ST6GALNAC3: variants seen among roughly 807,000 people sequenced by gnomAD.
ST6GALNAC3 encodes the protein alpha-N-acetylgalactosaminide alpha-2,6-sialyltransferase 3.
Under a neutral mutation model 32.7 loss-of-function variants are expected in ST6GALNAC3, and 25 were observed. That is an observed-to-expected ratio of 0.76 (90% CI 0.56 to 1.07). The LOEUF is 1.07. ST6GALNAC3 is among the 50% of genes least tolerant of loss of function. The probability of loss-of-function intolerance (pLI) is 0.00; values close to 1 mark genes in which losing one functional copy is unlikely to be tolerated. For synonymous variants in ST6GALNAC3, 129 were observed against 133.1 expected (o/e 0.97, Z 0.21); for missense variants, 355 against 382.4 (o/e 0.93, Z 0.60).
chr1:76,451,339 T>C (rs1657386979), intron 3 of ST6GALNAC3, among the ~76,000 whole-genome samples: 1 of 152,122 alleles, frequency 6.6e-6, no homozygotes, highest in African/African-American at 2.4e-5. Context: ...TGGCAGCAGA[T>C]AAAAGAGTGT....
chr1:76,420,195 A>G lies in ST6GALNAC3; in HGVS notation c.623+7778A>G, dbSNP rs539043293. ...GGCCTGAGAATTTTCATTTTTAACAAGTTTCCAGGCCCGGCCATCCTGTTC... is the reference window on the plus strand; with the variant it reads ...GGCCTGAGAATTTTCATTTTTAACAGGTTTCCAGGCCCGGCCATCCTGTTC... On this transcript the variant is annotated intron_variant, in intron 3 of 4. Coordinates refer to ENST00000328299, the MANE Select transcript of ST6GALNAC3 (RefSeq NM_152996.4). Among the ~76,000 whole-genome samples the G allele has an allele frequency of 7.2e-4, 110 of 151,998 alleles. 1 individual carries two copies. Among genetic ancestry groups the G allele is most frequent in the Non-Finnish European group, 1.1e-3 (73 of 67,960 alleles).
At chr1:76,314,423 C>T (rs949111297) in intron 2 of ST6GALNAC3, among the ~76,000 whole-genome samples, 4 of 152,092 alleles carry the variant, frequency 2.6e-5, no homozygotes, top group African/African-American at 7.2e-5. Flanking sequence ...AATCCTTAGA[C>T]CTGGAGCTAG....
At chr1:76,186,576 A>G (rs1375850156) in intron 1 of ST6GALNAC3, among the ~76,000 whole-genome samples, 2 of 152,184 alleles carry the variant, frequency 1.3e-5, no homozygotes, top group African/African-American at 2.4e-5. Context: ...TAAGGAATGC[A>G]GGTCCGTCTT....
At chr1:76,248,959 C>T (rs893604991) in intron 1 of ST6GALNAC3, among the ~76,000 whole-genome samples, 9 of 152,182 alleles carry the variant, frequency 5.9e-5, no homozygotes, top group African/African-American at 2.2e-4. Flanking sequence ...CTTGTATTAA[C>T]ATGGCTTTCA....
At chr1:76,623,537 G>A (rs764668663) in intron 3 of ST6GALNAC3, among the ~76,000 whole-genome samples, 27 of 151,876 alleles carry the variant, frequency 1.8e-4, no homozygotes, top group Non-Finnish European at 2.9e-5. Flanking sequence ...TGCTATGGTT[G>A]ATGGCCAGCT....
intron 1 of ST6GALNAC3, among the ~76,000 whole-genome samples, chr1:76,214,123 C>T (rs1390715996): frequency 6.6e-6 from 1 of 152,124 alleles, no homozygotes; most frequent in Non-Finnish European, 1.5e-5. Flanking sequence ...CCTAGCCGCA[C>T]AGCCCAATAT....
At chr1:76,312,663 A>G (rs1033985329) in intron 1 of ST6GALNAC3, among the ~76,000 whole-genome samples, 1 of 152,208 alleles carries the variant, frequency 6.6e-6, no homozygotes, top group Non-Finnish European at 1.5e-5. Flanking sequence ...GAAGACATTT[A>G]TGTGGCCAAC....
intron 4 of ST6GALNAC3, among the ~76,000 whole-genome samples, chr1:76,627,867 C>A (rs1202616245): frequency 6.6e-6 from 1 of 151,918 alleles, no homozygotes; most frequent in Non-Finnish European, 1.5e-5. Context: ...TTTGCAAAAG[C>A]AAGTTTGTCA....
chr1:76,372,300 T>C (rs1220343133), intron 2 of ST6GALNAC3, among the ~76,000 whole-genome samples: 1 of 152,102 alleles, frequency 6.6e-6, no homozygotes, highest in Admixed American at 6.6e-5. Flanking sequence ...TTATTTTTGA[T>C]TGAAAAATAA....
At chr1:76,560,741 T>C (rs191544195) in intron 3 of ST6GALNAC3, among the ~76,000 whole-genome samples, 208 of 152,324 alleles carry the variant, frequency 1.4e-3, no homozygotes, top group Non-Finnish European at 1.6e-3. Context: ...GGTGGGAATG[T>C]AAATTAGTAC....
At chr1:76,270,132 A>C (rs547186705) in intron 1 of ST6GALNAC3, among the ~76,000 whole-genome samples, 1 of 152,340 alleles carries the variant, frequency 6.6e-6, no homozygotes, top group East Asian at 1.9e-4. Context: ...GAAATTATTG[A>C]ACTTATTTTG....
At chr1:76,424,740 T>C (rs993012674) in intron 3 of ST6GALNAC3, among the ~76,000 whole-genome samples, 2 of 152,120 alleles carry the variant, frequency 1.3e-5, no homozygotes, top group East Asian at 3.9e-4. Context: ...GCTGTTTTGA[T>C]TCTTAATATT....
intron 1 of ST6GALNAC3, among the ~76,000 whole-genome samples, chr1:76,139,691 C>CA (rs1336056507): frequency 6.6e-6 from 1 of 152,176 alleles, no homozygotes; most frequent in African/African-American, 2.4e-5. Context: ...TTTCTGGGCT[C>CA]AGAGCAGATT....
chr1:76,271,620 T>A (rs571803717), intron 1 of ST6GALNAC3, among the ~76,000 whole-genome samples: 3 of 152,180 alleles, frequency 2.0e-5, no homozygotes, highest in African/African-American at 4.8e-5. Flanking sequence ...GATCAAGAGT[T>A]TACAAGAAGG....
At chr1:76,159,070 C>G (rs1329267425) in intron 1 of ST6GALNAC3, among the ~76,000 whole-genome samples, 1 of 152,096 alleles carries the variant, frequency 6.6e-6, no homozygotes, top group South Asian at 2.1e-4. Context: ...ATTTTAGGGA[C>G]AAGAGTGGAG....
chr1:76,148,693 A>G (rs1273637737), intron 1 of ST6GALNAC3, among the ~76,000 whole-genome samples: 1 of 152,108 alleles, frequency 6.6e-6, no homozygotes, highest in Non-Finnish European at 1.5e-5. Flanking sequence ...TCTTTCTTCC[A>G]TTGCCTGTCT....
rs532159655 is a variant in ST6GALNAC3, at chr1:76,411,737, A to G, written c.214-271A>G. On this transcript the variant is annotated intron_variant, in intron 2 of 4. Coordinates refer to ENST00000328299, the MANE Select transcript of ST6GALNAC3 (RefSeq NM_152996.4). Reference sequence around the variant, plus strand: ...ATTTATCATTTAGAGTGGAAAACAAATAACTATTTTTTGCCTATAATTTTA... The same window carrying G: ...ATTTATCATTTAGAGTGGAAAACAAGTAACTATTTTTTGCCTATAATTTTA... Among the ~76,000 whole-genome samples the G allele has an allele frequency of 3.9e-5, 6 of 152,278 alleles. No individual in the cohort carries two copies. The South Asian group carries it at 1.2e-3, about 32-fold the overall frequency.
intron 3 of ST6GALNAC3, among the ~76,000 whole-genome samples, chr1:76,484,841 T>C (rs1276494730): frequency 6.6e-6 from 1 of 152,198 alleles, no homozygotes; most frequent in African/African-American, 2.4e-5. Context: ...CCATTCAGTA[T>C]GATATTGGCT....
chr1:76,400,492 A>G (rs539235346), intron 2 of ST6GALNAC3, among the ~76,000 whole-genome samples: 5 of 152,312 alleles, frequency 3.3e-5, no homozygotes, highest in African/African-American at 1.2e-4. Flanking sequence ...TTTCTCAAAA[A>G]TGAATGAAGT....
Sources: gnomAD v4.1 joint callset for allele counts (sites outside exome capture counted in the v4.1 genomes callset) on GRCh38, gnomAD v4.1.1 for gene constraint, MANE v1.5 for transcripts, NCBI Gene and HGNC (gene_info 2026-07-23, HGNC 2026-07-21) for gene names.